The following IMMP2L variants were observed in gnomAD, a reference collection of about 807,000 sequenced individuals.
IMMP2L encodes inner mitochondrial membrane peptidase subunit 2.
A neutral mutation model predicts 19.3 loss-of-function variants in IMMP2L; 18 were observed. The ratio of observed to expected loss-of-function variants is 0.93; its 90% CI spans 0.64 to 1.38. The LOEUF (loss-of-function observed/expected upper bound fraction) is 1.38, where lower values mean the gene tolerates loss of function less well. Ranked by LOEUF, IMMP2L falls within the 40% of genes most tolerant of loss-of-function variation. The pLI, the probability that IMMP2L is intolerant of heterozygous loss-of-function variation, is 0.00. For synonymous variants in IMMP2L, 76 were observed against 73.0 expected (o/e 1.04, Z -0.21); for missense variants, 233 against 218.2 (o/e 1.07, Z -0.43).
At chr7:110,736,690 CT>C (rs1796659284) in intron 5 of IMMP2L, among the ~76,000 whole-genome samples, 1 of 152,172 alleles carries the variant, frequency 6.6e-6, no homozygotes, top group Non-Finnish European at 1.5e-5. Flanking sequence ...CCATTTCTTC[CT>C]TCCTATTTCT....
rs1261839801 is a variant in IMMP2L at position 110,706,990 on chromosome 7, A to AATT, written c.409-43272_409-43270dup. On this transcript the variant is annotated intron_variant, in intron 5 of 5. Transcript: ENST00000405709. ...TTTACAGTTTGAGGTGTTACACTTA[A>AATT]ATTTTTTTTTTTAATTTTTTTTTTT... Among the ~76,000 whole-genome samples, 18 of 34,872 alleles carry AATT rather than the reference A, an allele frequency of 5.2e-4. 1 individual carries two copies. The highest frequency in any genetic ancestry group is 1.3e-3 in the African/African-American group (14 of 10,804). The allele number at this position is 34,872 out of a possible 152,430, so 22.9% of individuals were successfully genotyped here.
intron 2 of IMMP2L, among the ~76,000 whole-genome samples, chr7:111,502,042 GT>G (rs1479545515): frequency 6.6e-6 from 1 of 151,900 alleles, no homozygotes; most frequent in Non-Finnish European, 1.5e-5. Context: ...TGGATAAAGA[GT>G]CATACATCAG....
rs148558109 is a variant in IMMP2L, at chr7:110,948,449, G to T, written c.305+15051C>A. On this transcript the variant is annotated intron_variant, in intron 4 of 5. Coordinates refer to ENST00000405709, the MANE Select transcript of IMMP2L (RefSeq NM_032549.4). The stretch of plus-strand genomic sequence containing the variant: ...TTCTCTCTACTATTGGTTTGGTCCA[G>T]CACAGTCAGAGCAAGCTAAAATAGC... Among the ~76,000 whole-genome samples the T allele has an allele frequency of 4.1e-3, 628 of 152,264 alleles. 4 individuals are homozygous for T. Among genetic ancestry groups the T allele is most frequent in the African/African-American group, 0.014 (576 of 41,568 alleles).
chr7:111,325,264 C>A (rs2130569943), intron 3 of IMMP2L, among the ~76,000 whole-genome samples: 1 of 151,688 alleles, frequency 6.6e-6, no homozygotes, highest in South Asian at 2.1e-4. Context: ...TTAATGGTAG[C>A]AATCTTGGAA....
Position 110,727,286 on chromosome 7 carries a change from G to A in IMMP2L, c.409-63565C>T, listed in dbSNP as rs1328609050. Among the ~76,000 whole-genome samples, 1 of 152,126 alleles carries A rather than the reference G, an allele frequency of 6.6e-6. No homozygotes were observed. Among genetic ancestry groups the A allele is most frequent in the Non-Finnish European group, 1.5e-5 (1 of 68,034 alleles). On this transcript the variant is annotated intron_variant, in intron 5 of 5. Coordinates refer to ENST00000405709, the MANE Select transcript of IMMP2L (RefSeq NM_032549.4). This position sits in a 1 kb window ranked among gnomAD's most constrained non-coding sequence, Gnocchi z 4.3. ...CATGCCTGAAATCCCAGCTACTCAG[G>A]AGGCTGGGGCAGGAGAAGCACTTGA...
At chr7:111,125,251 T>C (rs1335039284) in intron 3 of IMMP2L, 1 of 198,366 alleles carries the variant, frequency 5.0e-6, no homozygotes, top group Non-Finnish European at 1.1e-5. Context: ...TACCTCCTCC[T>C]GTGTTGTATT....
intron 3 of IMMP2L, among the ~76,000 whole-genome samples, chr7:111,005,295 G>A (rs900311849): frequency 6.6e-6 from 1 of 152,064 alleles, no homozygotes; most frequent in Non-Finnish European, 1.5e-5. Flanking sequence ...TTTCCTATAG[G>A]AGAAAATAAT....
intron 5 of IMMP2L, among the ~76,000 whole-genome samples, chr7:110,680,883 G>A (rs945590218): frequency 5.9e-5 from 9 of 152,144 alleles, no homozygotes; most frequent in African/African-American, 1.9e-4. Context: ...GTGCCAGAAA[G>A]TGTCCAGAAA....
chr7:110,833,082 A>G (rs1182567574), intron 5 of IMMP2L, among the ~76,000 whole-genome samples: 1 of 152,204 alleles, frequency 6.6e-6, no homozygotes, highest in Non-Finnish European at 1.5e-5. Flanking sequence ...GCAAGGGAGA[A>G]CATTTATTGC....
At chr7:111,175,675 TCCA>T (rs1291591497) in intron 3 of IMMP2L, among the ~76,000 whole-genome samples, 1 of 151,734 alleles carries the variant, frequency 6.6e-6, no homozygotes, top group Non-Finnish European at 1.5e-5. Context: ...ATGAAATTAT[TCCA>T]AGAAAACATT....
At chr7:110,993,046 G>A (rs1478174237) in intron 3 of IMMP2L, among the ~76,000 whole-genome samples, 1 of 152,110 alleles carries the variant, frequency 6.6e-6, no homozygotes, top group Non-Finnish European at 1.5e-5. Context: ...AAAACAAAAT[G>A]TATATTGCAC....
At position 111,537,855 on chromosome 7, in the gene IMMP2L, A is replaced by G. The variant is rs987735128; in HGVS notation, c.-2-16406T>C. 3.3e-5 allele frequency among the ~76,000 whole-genome samples: 5 copies of G among 151,838 alleles called. 1 individual carries two copies. Among genetic ancestry groups the G allele is most frequent in the African/African-American group, 1.2e-4 (5 of 41,340 alleles). On this transcript the variant is annotated intron_variant, in intron 1 of 5. Transcript: ENST00000405709. ...CAGTTCCTCTCTTTCACAGCACATC[A>G]TGCTTCAACCAAACCCACCTCCATA...
intron 3 of IMMP2L, among the ~76,000 whole-genome samples, chr7:111,365,561 C>T (rs1829688139): frequency 6.6e-6 from 1 of 152,080 alleles, no homozygotes; most frequent in African/African-American, 2.4e-5. Context: ...GGCATCTTGA[C>T]TTAATTGAAA....
chr7:111,384,732 G>A (rs1831566962), intron 3 of IMMP2L, among the ~76,000 whole-genome samples: 1 of 152,118 alleles, frequency 6.6e-6, no homozygotes, highest in African/African-American at 2.4e-5. Flanking sequence ...GCAGTAAACA[G>A]AACTGGGGCC....
intron 3 of IMMP2L, among the ~76,000 whole-genome samples, chr7:111,285,578 C>T (rs1231388209): frequency 6.6e-6 from 1 of 152,152 alleles, no homozygotes; most frequent in African/African-American, 2.4e-5. Context: ...CATAAATGCT[C>T]ATGCAATTCA....
At chr7:110,940,296 G>A (rs1816595254) in intron 4 of IMMP2L, among the ~76,000 whole-genome samples, 1 of 147,838 alleles carries the variant, frequency 6.8e-6, no homozygotes, top group Non-Finnish European at 1.5e-5. Context: ...TCCAGCCTGG[G>A]CAACAGAGCT....
chr7:110,721,318 G>T (rs780093264), intron 5 of IMMP2L, among the ~76,000 whole-genome samples: 2 of 151,982 alleles, frequency 1.3e-5, no homozygotes, highest in Non-Finnish European at 2.9e-5. Context: ...CGAAGTGTTT[G>T]GCCAGTATAT....
chr7:111,555,354 A>G (rs1791154235), intron 1 of IMMP2L, among the ~76,000 whole-genome samples: 1 of 152,112 alleles, frequency 6.6e-6, no homozygotes, highest in Non-Finnish European at 1.5e-5. Context: ...GAAAGAATAG[A>G]GTAGAAAGGA....
At chr7:111,366,471 C>T (rs1436931980) in intron 3 of IMMP2L, among the ~76,000 whole-genome samples, 1 of 151,710 alleles carries the variant, frequency 6.6e-6, no homozygotes. Context: ...GACCTGAAAA[C>T]CAAGTACAAT....
Sources: allele counts gnomAD v4.1 joint callset (sites outside exome capture counted in the v4.1 genomes callset), GRCh38; gene constraint gnomAD v4.1.1; non-coding constraint Gnocchi (gnomAD v3.1); transcripts MANE v1.5; gene names NCBI Gene and HGNC (gene_info 2026-07-23, HGNC 2026-07-21).